PRKDC: variants seen among roughly 807,000 people sequenced by gnomAD.
The protein encoded by PRKDC is protein kinase, DNA-activated, catalytic subunit, also known as DNA-dependent protein kinase catalytic subunit.
Under a neutral mutation model 486.9 loss-of-function variants are expected in PRKDC, and 82 were observed. The observed-to-expected ratio is 0.17, with a 90% CI of 0.14 to 0.20. PRKDC has a LOEUF of 0.20. Ranked by LOEUF, PRKDC falls within the 10% of genes least tolerant of loss-of-function variation. PRKDC has a pLI of 1.00. For synonymous variants in PRKDC, 1,895 were observed against 1,837.0 expected (o/e 1.03, Z -0.81); for missense variants, 4,504 against 5,038.2 (o/e 0.89, Z 3.21).
chr8:47,855,806 A>G (rs138883670), intron 49 of PRKDC, among the ~76,000 whole-genome samples: 1,807 of 152,320 alleles, frequency 0.012, 48 homozygotes, highest in African/African-American at 0.041. Flanking sequence ...GGGCCTCTCA[A>G]TGGTGAGACG....
chr8:47,821,665 G>C lies in PRKDC; in HGVS notation c.9050C>G (p.Ala3017Gly), dbSNP rs375917051. 1.2e-6 allele frequency: 2 copies of C among 1,602,470 alleles called. No homozygotes were observed. Among genetic ancestry groups the C allele is most frequent in the African/African-American group, 2.7e-5 (2 of 74,726 alleles). ...EWKSLEYCST[A>G]SIDSENPPDL... Reference sequence around the variant, plus strand: ...TGGGGGGTTCTCACTGTCTATACTGGCTGTAGAACAGTATTCAAGTGATTT... The same window carrying C: ...TGGGGGGTTCTCACTGTCTATACTGCCTGTAGAACAGTATTCAAGTGATTT... Residue 3017 changes from alanine (A) to glycine (G), a missense_variant, in exon 65 of 86, where the codon GCC becomes GGC. Ala to Gly is a moderately conservative substitution (Grantham distance 60, BLOSUM62 0). Coordinates refer to ENST00000314191, the MANE Select transcript of PRKDC (RefSeq NM_006904.7).
In PRKDC at chr8:47,889,254, T is replaced by G; in HGVS notation, c.4072-32A>C. ...CAGATTGTTTGATAAAAACACTTCGTCAGCCAGCACTTCTATTTTCACCAA... is the reference window on the plus strand; with the variant it reads ...CAGATTGTTTGATAAAAACACTTCGGCAGCCAGCACTTCTATTTTCACCAA... On this transcript the variant is annotated intron_variant, in intron 32 of 85. Coordinates refer to ENST00000314191, the MANE Select transcript of PRKDC (RefSeq NM_006904.7). 1.9e-6 allele frequency: 3 copies of G among 1,542,724 alleles called. No individual in the cohort carries two copies. The South Asian group carries it at 3.7e-5, about 19-fold the overall frequency.
chr8:47,834,661 A>G (rs1001439378), intron 58 of PRKDC, among the ~76,000 whole-genome samples: 29 of 149,980 alleles, frequency 1.9e-4, no homozygotes, highest in African/African-American at 7.1e-4. Flanking sequence ...TTTGTTATCT[A>G]CTGAAAGGTG....
chr8:47,912,150 T>C (rs1192163309), intron 25 of PRKDC, among the ~76,000 whole-genome samples: 1 of 152,164 alleles, frequency 6.6e-6, no homozygotes, highest in Non-Finnish European at 1.5e-5. Flanking sequence ...CACCTTTAGA[T>C]GCCTGGACTC....
intron 65 of PRKDC, 149 bp downstream of exon 65, chr8:47,821,455 A>C (rs2087593314): frequency 1.4e-6 from 1 of 692,444 alleles, no homozygotes; most frequent in African/African-American, 1.8e-5. Flanking sequence ...ATTTAACAAT[A>C]CTATGGGGTT....
At chr8:47,859,128 A>G in intron 46 of PRKDC, 142 bp from the exon 47 acceptor site, 1 of 916,128 alleles carries the variant, frequency 1.1e-6, no homozygotes, top group Admixed American at 2.1e-5. Flanking sequence ...AATATCAAAT[A>G]CACTCACTGT....
intron 72 of PRKDC, 59 bp from the exon 73 acceptor site, chr8:47,798,456 T>A (rs1272779548): frequency 6.9e-7 from 1 of 1,456,246 alleles, no homozygotes. Context: ...CCATAAACTA[T>A]GATGTTAAAT....
intron 56 of PRKDC, among the ~76,000 whole-genome samples, 195 bp downstream of exon 56, chr8:47,838,942 TGTTATTTTTAA>T (rs2088083991): frequency 6.6e-6 from 1 of 152,212 alleles, no homozygotes; most frequent in Non-Finnish European, 1.5e-5. Context: ...TTTTCAAGAG[TGTTATTTTTAA>T]GTTGTCAGGA....
At chr8:47,956,383 G>A (rs1253097493) in intron 3 of PRKDC, among the ~76,000 whole-genome samples, 4 of 151,222 alleles carry the variant, frequency 2.6e-5, no homozygotes, top group Non-Finnish European at 5.9e-5. Flanking sequence ...ATCCCTTTGA[G>A]GATTACAGTG....
intron 63 of PRKDC, 30 bp downstream of exon 63, chr8:47,826,626 G>T (rs1393120553): frequency 5.0e-6 from 8 of 1,585,558 alleles, no homozygotes; most frequent in Non-Finnish European, 6.9e-6. Context: ...AATCCAGTGT[G>T]CTCCCAAGAG....
intron 52 of PRKDC, among the ~76,000 whole-genome samples, chr8:47,850,789 A>C (rs1173182774): frequency 1.3e-5 from 2 of 152,230 alleles, no homozygotes; most frequent in Non-Finnish European, 2.9e-5. Flanking sequence ...GCGTGGGAAG[A>C]GTGCGAGCCT....
chr8:47,889,569 G>A (rs556201345), intron 32 of PRKDC, among the ~76,000 whole-genome samples: 13 of 152,348 alleles, frequency 8.5e-5, no homozygotes, highest in South Asian at 4.1e-4. Flanking sequence ...AGGGCCTGGC[G>A]TGCCACAGGC....
chr8:47,802,556 C>T (rs940364112), intron 70 of PRKDC, among the ~76,000 whole-genome samples: 5 of 148,832 alleles, frequency 3.4e-5, no homozygotes, highest in Non-Finnish European at 7.4e-5. Context: ...GATTTTGGCT[C>T]GCTGCAACCT....
chr8:47,786,752 CAG>C (rs1372655132), intron 76 of PRKDC, among the ~76,000 whole-genome samples: 7 of 80,064 alleles, frequency 8.7e-5, no homozygotes, highest in Admixed American at 4.2e-4. Context: ...TTTTTTGAGA[CAG>C]AGTCTTGCTC....
intron 21 of PRKDC, among the ~76,000 whole-genome samples, chr8:47,919,724 T>G (rs80203345): frequency 1.8e-5 from 2 of 111,324 alleles, no homozygotes; most frequent in Admixed American, 1.2e-4. Flanking sequence ...TTTTTAGTGG[T>G]TTTTTTTTTT....
chr8:47,864,493 T>C, intron 41 of PRKDC, 63 bp downstream of exon 41: 4 of 1,437,666 alleles, frequency 2.8e-6, no homozygotes, highest in South Asian at 1.3e-5. Context: ...CACACAGCAG[T>C]GTCTAGGCAC....
intron 45 of PRKDC, among the ~76,000 whole-genome samples, chr8:47,860,500 C>T (rs1243140483): frequency 6.6e-6 from 1 of 152,168 alleles, no homozygotes; most frequent in Non-Finnish European, 1.5e-5. Context: ...GAGATGGGAA[C>T]CCACAGTGAG....
In PRKDC at chr8:47,773,825, A is replaced by G; in HGVS notation, c.*348T>C. 4.0e-6 allele frequency: 1 copy of G among 251,548 alleles called. No individual in the cohort carries two copies. Among genetic ancestry groups the G allele is most frequent in the Non-Finnish European group, 7.7e-6 (1 of 129,966 alleles). The allele number at this position is 251,548 out of a possible 1,614,324, so 15.6% of individuals were successfully genotyped here. On this transcript the variant is annotated 3_prime_UTR_variant, in exon 86 of 86. Coordinates refer to ENST00000314191, the MANE Select transcript of PRKDC (RefSeq NM_006904.7). ...CAGAAGGGCATTCCAAGGCTTCCCC[A>G]CATTTCCTCCATTTACGGAGACAGC...
intron 22 of PRKDC, among the ~76,000 whole-genome samples, chr8:47,915,992 T>C (rs2089976267): frequency 2.6e-5 from 4 of 152,244 alleles, no homozygotes; most frequent in Admixed American, 2.6e-4. Context: ...TGGCTGATCT[T>C]GCACTTTGAG....
Sources: gnomAD v4.1 joint callset for allele counts (sites outside exome capture counted in the v4.1 genomes callset) on GRCh38, gnomAD v4.1.1 for gene constraint, MANE v1.5 for transcripts, NCBI Gene and HGNC (gene_info 2026-07-23, HGNC 2026-07-21) for gene names.